The following MAU2 variants were observed in gnomAD, a reference collection of about 807,000 sequenced individuals.
The protein encoded by MAU2 is MAU2 chromatid cohesion factor homolog.
MAU2 carries 9 observed loss-of-function variants against 89.1 expected under a neutral mutation model. The ratio of observed to expected loss-of-function variants is 0.10; its 90% CI spans 0.06 to 0.18. The LOEUF (loss-of-function observed/expected upper bound fraction) is 0.18. Ranked by LOEUF, MAU2 falls within the 10% of genes least tolerant of loss-of-function variation. The pLI is 1.00. For synonymous variants in MAU2, 357 were observed against 343.4 expected, an observed-to-expected ratio of 1.04 and a Z score of -0.44; for missense variants, 425 against 803.5, an observed-to-expected ratio of 0.53 and a Z score of 5.69.
chr19:19,348,835 G>A (rs914922703), intron 13 of MAU2, 54 bp from the exon 14 acceptor site: 2 of 1,584,328 alleles, frequency 1.3e-6, no homozygotes, highest in Non-Finnish European at 8.7e-7. Context: ...GTGTCTTGGG[G>A]ACCTTTCTCC....
At chr19:19,331,513 A>G (rs943689511) in intron 1 of MAU2, among the ~76,000 whole-genome samples, 11 of 151,674 alleles carry the variant, frequency 7.3e-5, no homozygotes, top group African/African-American at 2.4e-4. Context: ...AAAAAAAAAA[A>G]ATCACGTAGA....
At chr19:19,322,013 T>TTTTTTTTTTTC (rs1286757776) in intron 1 of MAU2, 2 of 151,784 alleles carry the variant, frequency 1.3e-5, no homozygotes, top group African/African-American at 4.9e-5. Context: ...TTTTTTTTTT[T>TTTTTTTTTTTC]TTGAGACGGA....
chr19:19,329,622 T>C (rs987340320), intron 1 of MAU2, among the ~76,000 whole-genome samples: 4 of 152,040 alleles, frequency 2.6e-5, no homozygotes, highest in Non-Finnish European at 5.9e-5. Flanking sequence ...CCAGGGAAGC[T>C]GCTAAATGCT....
chr19:19,341,198 C>G (rs1599910904), intron 6 of MAU2, 54 bp from the exon 7 acceptor site: 1 of 1,567,754 alleles, frequency 6.4e-7, no homozygotes, highest in East Asian at 2.2e-5. Flanking sequence ...GCTCCCGGTC[C>G]TGGGAGGGCC....
rs1305296508 is a variant in MAU2 at position 19,326,715 on chromosome 19, T to TACAC, written c.276+5581_276+5582insCACA. Among the ~76,000 whole-genome samples the TACAC allele has an allele frequency of 2.6e-3, 305 of 117,802 alleles. 8 individuals are homozygous for TACAC. Among genetic ancestry groups the TACAC allele is most frequent in the African/African-American group, 7.1e-3 (227 of 32,194 alleles). 77.3% of individuals were successfully genotyped at this position (117,802 alleles called of 152,430 possible). ...AAATATATATATGTATATATATATA[T>TACAC]ATATACATATATATATATATACACA... On this transcript the variant is annotated intron_variant, in intron 1 of 18. Transcript: ENST00000262815.
In MAU2 at chr19:19,344,942, A is replaced by G; in HGVS notation, c.1155+16A>G. 1.9e-6 allele frequency: 3 copies of G among 1,611,970 alleles called. No individual in the cohort carries two copies. On this transcript the variant is annotated intron_variant, in intron 11 of 18. Transcript: ENST00000262815. The stretch of plus-strand genomic sequence containing the variant: ...CACATTGCTGGTGAGTAACCCTGTG[A>G]CAACACCCCGGGAGAATCCAGAATG...
intron 1 of MAU2, chr19:19,329,167 G>T (rs987675397): frequency 6.6e-6 from 3 of 454,484 alleles, no homozygotes; most frequent in Non-Finnish European, 1.3e-5. Context: ...AGCGTAAGCA[G>T]TTCTTTCATT....
chr19:19,320,834 G>A lies in MAU2; in HGVS notation c.-26G>A, dbSNP rs991318613. On this transcript the variant is annotated 5_prime_UTR_variant, in exon 1 of 19. Transcript: ENST00000262815. ...GCGCCTGCTTCCGCCTCCCTGTGGCGGCGGCTTGTTGTTGTGGAGGCCAAA... is the reference window on the plus strand; with the variant it reads ...GCGCCTGCTTCCGCCTCCCTGTGGCAGCGGCTTGTTGTTGTGGAGGCCAAA... 3.3e-6 allele frequency: 5 copies of A among 1,495,738 alleles called. No homozygotes were observed. The highest frequency in any genetic ancestry group is 3.5e-6 in the Non-Finnish European group (4 of 1,136,620). The allele number at this position is 1,495,738 out of a possible 1,614,324, so 92.7% of individuals were successfully genotyped here. A position where few individuals can be genotyped will look rare whatever the true frequency, so the allele number is the denominator to read the frequency against.
At chr19:19,344,995 TC>T in intron 11 of MAU2, 69 bp downstream of exon 11, 1 of 1,401,320 alleles carries the variant, frequency 7.1e-7, no homozygotes, top group Non-Finnish European at 1.0e-6. Flanking sequence ...CCTAACCAGA[TC>T]CAGAACATTC....
chr19:19,338,553 G>A (rs2061615124), intron 4 of MAU2, among the ~76,000 whole-genome samples: 1 of 152,232 alleles, frequency 6.6e-6, no homozygotes, highest in Non-Finnish European at 1.5e-5. Flanking sequence ...ACACAGCCTT[G>A]GGGGTCTGTG....
At chr19:19,339,472 G>T (rs2146682047) in intron 5 of MAU2, among the ~76,000 whole-genome samples, 1 of 151,806 alleles carries the variant, frequency 6.6e-6, no homozygotes, top group South Asian at 2.1e-4. Flanking sequence ...GTCACCATGA[G>T]GCGCGGGTTT....
At chr19:19,342,483 G>T in intron 7 of MAU2, 52 bp from the exon 8 acceptor site, 1 of 1,507,988 alleles carries the variant, frequency 6.6e-7, no homozygotes, top group Non-Finnish European at 8.9e-7. Context: ...GCTGGGCCTG[G>T]CTTCCTGAGA....
At chr19:19,350,569 G>A (rs2061734558) in intron 16 of MAU2, among the ~76,000 whole-genome samples, 2 of 149,222 alleles carry the variant, frequency 1.3e-5, no homozygotes, top group African/African-American at 5.0e-5. Flanking sequence ...TCGTGTCATT[G>A]TACTCCATCC....
At chr19:19,333,615 CT>C (rs1485392685) in intron 1 of MAU2, among the ~76,000 whole-genome samples, 1 of 152,068 alleles carries the variant, frequency 6.6e-6, no homozygotes, top group African/African-American at 2.4e-5. Context: ...TGGACATGTC[CT>C]TTTGAAGTCT....
intron 17 of MAU2, 25 bp downstream of exon 17, chr19:19,354,470 C>G: frequency 6.3e-7 from 1 of 1,588,630 alleles, no homozygotes; most frequent in Non-Finnish European, 8.6e-7. Context: ...CACCCCTCTT[C>G]CCCAGCCCCA....
intron 1 of MAU2, among the ~76,000 whole-genome samples, chr19:19,322,694 C>CCCTTTTA (rs549389303): frequency 6.6e-6 from 1 of 152,044 alleles, no homozygotes; most frequent in East Asian, 1.9e-4. Context: ...ACCCCTGCCT[C>CCCTTTTA]CCTTTTACCT....
In MAU2 at chr19:19,345,203, C is replaced by T. The variant is rs1344592217; in HGVS notation, c.1156-101C>T. ...CTGGCTCGGTAGAGCCATTGTCATACTCCTCCAGGGCAGCCGTGCAGGCCC... is the reference window on the plus strand; with the variant it reads ...CTGGCTCGGTAGAGCCATTGTCATATTCCTCCAGGGCAGCCGTGCAGGCCC... On this transcript the variant is annotated intron_variant, in intron 11 of 18. Transcript: ENST00000262815. This position sits in a 1 kb window ranked among gnomAD's most constrained non-coding sequence, Gnocchi z 4.9. 5 of 1,048,608 alleles carry T rather than the reference C, an allele frequency of 4.8e-6. No homozygotes were observed. The highest frequency in any genetic ancestry group is 7.4e-6 in the Non-Finnish European group (5 of 678,206). 65.0% of individuals were successfully genotyped at this position (1,048,608 alleles called of 1,614,324 possible).
chr19:19,349,626 G>A (rs2061724925), intron 16 of MAU2, among the ~76,000 whole-genome samples, 190 bp downstream of exon 16: 1 of 152,186 alleles, frequency 6.6e-6, no homozygotes, highest in African/African-American at 2.4e-5. Context: ...CCCACAGAGG[G>A]TGTGGGGGGA....
intron 1 of MAU2, among the ~76,000 whole-genome samples, chr19:19,334,935 T>C (rs1380570673): frequency 6.6e-6 from 1 of 152,176 alleles, no homozygotes; most frequent in Non-Finnish European, 1.5e-5. Context: ...TCTTGTCAGG[T>C]GCAGGTTGCT....
Sources: gnomAD v4.1 joint callset for allele counts (sites outside exome capture counted in the v4.1 genomes callset) on GRCh38, gnomAD v4.1.1 for gene constraint, Gnocchi (gnomAD v3.1) non-coding constraint, MANE v1.5 for transcripts, NCBI Gene and HGNC (gene_info 2026-07-23, HGNC 2026-07-21) for gene names.